The following CREB3L2 variants were observed in gnomAD, a reference collection of about 807,000 sequenced individuals.
CREB3L2 encodes cAMP responsive element binding protein 3 like 2.
In CREB3L2, 23 loss-of-function variants were observed where a neutral mutation model predicts 57.2. The ratio of observed to expected loss-of-function variants is 0.40; its 90% CI spans 0.29 to 0.57. CREB3L2 has a LOEUF of 0.57. CREB3L2 is among the 20% of genes least tolerant of loss of function. The pLI, the probability that CREB3L2 is intolerant of heterozygous loss-of-function variation, is 0.42. For missense variants in CREB3L2, 628 were observed against 634.7 expected (o/e 0.99, Z 0.11); for synonymous variants, 268 against 265.1 (o/e 1.01, Z -0.11).
chr7:137,999,524 TCTGA>T (rs1377895836), intron 1 of CREB3L2: 2 of 152,158 alleles, frequency 1.3e-5, no homozygotes, highest in East Asian at 3.9e-4. Flanking sequence ...CAAATATCTC[TCTGA>T]CTGAATGAAT....
In CREB3L2 at chr7:137,892,266, G is replaced by C. The variant is rs183031820; in HGVS notation, c.1044-6764C>G. On this transcript the variant is annotated intron_variant, in intron 8 of 11. Coordinates refer to ENST00000330387, the MANE Select transcript of CREB3L2 (RefSeq NM_194071.4). ...ATGTACATGTTCATGTGGTAGTCTG[G>C]TGTGCCATTTACACTACATAAAATG... 2.6e-3 allele frequency among the ~76,000 whole-genome samples: 389 copies of C among 151,850 alleles called. 1 individual carries two copies. The highest frequency in any genetic ancestry group is 6.8e-3 in the Middle Eastern group (2 of 294).
intron 1 of CREB3L2, among the ~76,000 whole-genome samples, chr7:137,954,194 G>A (rs1478024972): frequency 6.6e-6 from 1 of 152,128 alleles, no homozygotes; most frequent in Non-Finnish European, 1.5e-5. Context: ...CTGAAATTGT[G>A]AAATGACCCA....
intron 1 of CREB3L2, among the ~76,000 whole-genome samples, chr7:137,993,358 C>T (rs1006732711): frequency 6.6e-6 from 1 of 152,178 alleles, no homozygotes; most frequent in Non-Finnish European, 1.5e-5. Context: ...CAACTCCACT[C>T]CCACTGGAAA....
At chr7:137,891,855 A>G (rs1207834683) in intron 8 of CREB3L2, among the ~76,000 whole-genome samples, 2 of 152,220 alleles carry the variant, frequency 1.3e-5, no homozygotes, top group East Asian at 3.8e-4. Flanking sequence ...CTGGGATTAC[A>G]GGTGTGAGCC....
chr7:137,960,477 T>C (rs1312173107), intron 1 of CREB3L2, among the ~76,000 whole-genome samples: 1 of 152,052 alleles, frequency 6.6e-6, no homozygotes, highest in Non-Finnish European at 1.5e-5. Flanking sequence ...AAACTCAAAT[T>C]CCGTCAAAAG....
chr7:137,907,009 T>C (rs1799904102), intron 5 of CREB3L2, among the ~76,000 whole-genome samples: 1 of 152,150 alleles, frequency 6.6e-6, no homozygotes, highest in Admixed American at 6.5e-5. Flanking sequence ...ACTAAAAATT[T>C]GAAGTAAGAG....
chr7:137,901,888 A>AAAAAAAAAAAAG (rs1193850531), intron 7 of CREB3L2, among the ~76,000 whole-genome samples: 1 of 149,026 alleles, frequency 6.7e-6, no homozygotes, highest in Non-Finnish European at 1.5e-5. Context: ...AAAAAAAAAA[A>AAAAAAAAAAAAG]AAAAGAAAAA....
intron 10 of CREB3L2, chr7:137,884,711 T>A: frequency 1.7e-6 from 1 of 597,456 alleles, no homozygotes; most frequent in South Asian, 2.1e-5. Flanking sequence ...CTCTCCCTTA[T>A]CAGAACTCAA....
intron 1 of CREB3L2, among the ~76,000 whole-genome samples, chr7:137,957,183 C>T (rs1247320742): frequency 6.6e-6 from 1 of 150,980 alleles, no homozygotes; most frequent in Non-Finnish European, 1.5e-5. Context: ...AATTCCACTT[C>T]CCTCCCTTCT....
At chr7:137,887,491 G>A (rs1799445166) in intron 8 of CREB3L2, among the ~76,000 whole-genome samples, 2 of 152,118 alleles carry the variant, frequency 1.3e-5, no homozygotes, top group African/African-American at 2.4e-5. Context: ...GCCAGATCAC[G>A]AGGTCAGGAG....
chr7:137,891,558 G>A (rs1799528497), intron 8 of CREB3L2, among the ~76,000 whole-genome samples: 2 of 151,632 alleles, frequency 1.3e-5, no homozygotes, highest in African/African-American at 2.4e-5. Context: ...TTCAACTTAG[G>A]CCCTCTCTGT....
intron 2 of CREB3L2, chr7:137,922,460 A>ACACC (rs1800346700): frequency 8.1e-6 from 1 of 123,172 alleles, no homozygotes; most frequent in African/African-American, 4.2e-5. Context: ...ATATACACAC[A>ACACC]TATATATATA....
At chr7:137,910,239 C>G (rs1799978224) in intron 4 of CREB3L2, among the ~76,000 whole-genome samples, 1 of 152,068 alleles carries the variant, frequency 6.6e-6, no homozygotes, top group Non-Finnish European at 1.5e-5. Context: ...TTTTTCTTCT[C>G]TCTCTCATTG....
intron 8 of CREB3L2, among the ~76,000 whole-genome samples, chr7:137,892,426 G>T (rs766627131): frequency 6.6e-6 from 1 of 151,740 alleles, no homozygotes; most frequent in Non-Finnish European, 1.5e-5. Flanking sequence ...TGAGGTGAGC[G>T]GATCACTTGA....
At position 137,875,245 on chromosome 7, in the gene CREB3L2, A is replaced by T. The variant is rs1461829874; in HGVS notation, c.*5231T>A. On this transcript the variant is annotated 3_prime_UTR_variant, in exon 12 of 12. Transcript: ENST00000330387. ...GAGCAAAACCTAACTGTCAGCATAG[A>T]CATTAAAGCTCACCGTTGATTATAG... 1 of 219,172 alleles carries T rather than the reference A, an allele frequency of 4.6e-6. No individual in the cohort carries two copies. The highest frequency in any genetic ancestry group is 9.2e-6 in the Non-Finnish European group (1 of 109,006). 13.6% of individuals were successfully genotyped at this position (219,172 alleles called of 1,614,324 possible). A position where few individuals can be genotyped will look rare whatever the true frequency, so the allele number is the denominator to read the frequency against.
At chr7:137,948,385 C>T (rs1188581713) in intron 1 of CREB3L2, among the ~76,000 whole-genome samples, 1 of 152,164 alleles carries the variant, frequency 6.6e-6, no homozygotes, top group Admixed American at 6.5e-5. Context: ...TTGCTAGTAG[C>T]CAGGGGGACA....
intron 11 of CREB3L2, 65 bp downstream of exon 11, chr7:137,882,347 G>T: frequency 1.6e-6 from 2 of 1,232,024 alleles, no homozygotes; most frequent in Non-Finnish European, 2.4e-6. Context: ...TCACATCTCA[G>T]GTTGCTGACT....
chr7:137,892,089 C>G (rs957475558), intron 8 of CREB3L2, among the ~76,000 whole-genome samples: 1 of 152,098 alleles, frequency 6.6e-6, no homozygotes, highest in Non-Finnish European at 1.5e-5. Flanking sequence ...AATCATGAAC[C>G]ATTTGTGGGT....
intron 5 of CREB3L2, among the ~76,000 whole-genome samples, chr7:137,907,461 C>T (rs773929938): frequency 6.6e-5 from 10 of 152,104 alleles, no homozygotes; most frequent in East Asian, 1.9e-4. Context: ...TCCTCAGTAA[C>T]GATGAAATTT....
Sources: gnomAD v4.1 joint callset for allele counts (sites outside exome capture counted in the v4.1 genomes callset) on GRCh38, gnomAD v4.1.1 for gene constraint, MANE v1.5 for transcripts, NCBI Gene and HGNC (gene_info 2026-07-23, HGNC 2026-07-21) for gene names.